Variants in HEPACAM2 observed in about 807,000 individuals in gnomAD.
HEPACAM2 encodes mitotic kinetics regulator.
Under a neutral mutation model 49.6 loss-of-function variants are expected in HEPACAM2, and 49 were observed. The observed-to-expected ratio is 0.99, with a 90% CI of 0.78 to 1.25. HEPACAM2 has a LOEUF of 1.25. Ranked by LOEUF, HEPACAM2 falls within the 50% of genes most tolerant of loss-of-function variation. The pLI is 0.00. For synonymous variants in HEPACAM2, 197 were observed against 202.9 expected (o/e 0.97, Z 0.25); for missense variants, 525 against 557.2 (o/e 0.94, Z 0.58).
At chr7:93,226,248 T>C in intron 1 of HEPACAM2, 120 bp downstream of exon 1, 2 of 687,154 alleles carry the variant, frequency 2.9e-6, no homozygotes, top group Non-Finnish European at 5.0e-6. Flanking sequence ...TAAAAGGTTC[T>C]GACCTGCTCT....
At chr7:93,210,902 T>C (rs1348075082) in intron 3 of HEPACAM2, among the ~76,000 whole-genome samples, 1 of 151,998 alleles carries the variant, frequency 6.6e-6, no homozygotes, top group African/African-American at 2.4e-5. Context: ...GTTAGAGGAC[T>C]GATTGCCAAG....
Position 93,219,185 on chromosome 7 carries a change from C to G in HEPACAM2, c.346G>C (p.Asp116His). 1 of 1,613,972 alleles carries G rather than the reference C, an allele frequency of 6.2e-7. No homozygotes were observed. Among genetic ancestry groups the G allele is most frequent in the East Asian group, 2.2e-5 (1 of 44,868 alleles). The stretch of plus-strand genomic sequence containing the variant: ...ACCTTCACGATGTAATTGCCTTCAT[C>G]AGGGAACTGCAGTGGGTTGATAAGC... ...SLLINPLQFP[D>H]EGNYIVKVNI... Residue 116 changes from aspartate (D) to histidine (H), a missense_variant, in exon 2 of 10, where the codon GAT becomes CAT. By Grantham distance (81) the Asp-to-His change is moderately conservative. Coordinates refer to ENST00000394468, the MANE Select transcript of HEPACAM2 (RefSeq NM_001039372.4).
intron 3 of HEPACAM2, 69 bp from the exon 4 acceptor site, chr7:93,208,945 A>C (rs1794106708): frequency 3.0e-6 from 4 of 1,339,246 alleles, no homozygotes; most frequent in Non-Finnish European, 4.0e-6. Context: ...AGTTTGGGAG[A>C]GCTTAGTAGC....
chr7:93,200,302 A>G (rs1584334065), intron 4 of HEPACAM2, among the ~76,000 whole-genome samples: 1 of 152,046 alleles, frequency 6.6e-6, no homozygotes, highest in Admixed American at 6.6e-5. Flanking sequence ...ATTTTTATGT[A>G]CATTATCTTA....
chr7:93,204,682 G>A (rs970436828), intron 4 of HEPACAM2, among the ~76,000 whole-genome samples: 3 of 152,066 alleles, frequency 2.0e-5, no homozygotes, highest in Admixed American at 6.6e-5. Context: ...GAAAGTACAC[G>A]TACATAGCAT....
chr7:93,230,769 G>C (rs934675575), upstream of HEPACAM2, among the ~76,000 whole-genome samples: 2 of 152,198 alleles, frequency 1.3e-5, no homozygotes, highest in Admixed American at 6.5e-5. Flanking sequence ...TGCCCTAAAT[G>C]TGACCAGAAT....
intron 1 of HEPACAM2, among the ~76,000 whole-genome samples, chr7:93,221,202 G>A (rs1425795786): frequency 6.6e-6 from 1 of 152,100 alleles, no homozygotes; most frequent in African/African-American, 2.4e-5. Flanking sequence ...GGTGAAAGTG[G>A]AATAAAATCC....
chr7:93,210,912 G>T (rs1301502449), intron 3 of HEPACAM2, among the ~76,000 whole-genome samples: 4 of 151,904 alleles, frequency 2.6e-5, no homozygotes, highest in African/African-American at 9.7e-5. Flanking sequence ...TGATTGCCAA[G>T]ATTCTTTCTA....
intron 4 of HEPACAM2, among the ~76,000 whole-genome samples, chr7:93,204,067 T>G (rs1255411815): frequency 6.6e-6 from 1 of 152,166 alleles, no homozygotes; most frequent in Non-Finnish European, 1.5e-5. Flanking sequence ...AATTTCCAGA[T>G]AGAAAAAATT....
chr7:93,231,375 T>A (rs1411274270), upstream of HEPACAM2, among the ~76,000 whole-genome samples: 1 of 152,220 alleles, frequency 6.6e-6, no homozygotes, highest in South Asian at 2.1e-4. Context: ...GATGACCGAT[T>A]AATCCTTCAG....
At chr7:93,195,749 G>C (rs1206963498) in intron 8 of HEPACAM2, 79 bp downstream of exon 8, 15 of 1,079,140 alleles carry the variant, frequency 1.4e-5, no homozygotes, top group Non-Finnish European at 1.4e-5. Flanking sequence ...ACACTGCCCA[G>C]TGCTTAAACA....
intron 3 of HEPACAM2, among the ~76,000 whole-genome samples, chr7:93,214,119 G>T (rs1794245477): frequency 6.6e-6 from 1 of 152,118 alleles, no homozygotes; most frequent in Non-Finnish European, 1.5e-5. Context: ...GGTCTGGGTT[G>T]TGTTTGTACA....
chr7:93,191,367 C>T (rs751270375), intron 9 of HEPACAM2, among the ~76,000 whole-genome samples: 1 of 152,034 alleles, frequency 6.6e-6, no homozygotes, highest in Non-Finnish European at 1.5e-5. Context: ...GTTTCCTCAC[C>T]ATAAGATGAT....
intron 1 of HEPACAM2, among the ~76,000 whole-genome samples, chr7:93,219,934 A>G (rs1481383740): frequency 1.3e-5 from 2 of 152,240 alleles, no homozygotes; most frequent in Non-Finnish European, 1.5e-5. Context: ...CCTTTTAGCC[A>G]AATGCTTGCC....
At chr7:93,191,562 G>T (rs1166537694) in intron 9 of HEPACAM2, among the ~76,000 whole-genome samples, 1 of 152,156 alleles carries the variant, frequency 6.6e-6, no homozygotes, top group Non-Finnish European at 1.5e-5. Flanking sequence ...AGTTATGACT[G>T]CAGGCAGCTA....
intron 4 of HEPACAM2, among the ~76,000 whole-genome samples, chr7:93,202,026 A>T (rs1339879150): frequency 9.5e-5 from 3 of 31,624 alleles, no homozygotes; most frequent in Non-Finnish European, 1.6e-4. Context: ...AAGCAAAAAA[A>T]AAAACCAAAA....
chr7:93,192,559 T>C (rs1257527880), intron 8 of HEPACAM2, among the ~76,000 whole-genome samples, 196 bp from the exon 9 acceptor site: 1 of 152,112 alleles, frequency 6.6e-6, no homozygotes, highest in Non-Finnish European at 1.5e-5. Context: ...GCAGCATAGC[T>C]ATAAGGTCAG....
intron 8 of HEPACAM2, among the ~76,000 whole-genome samples, chr7:93,194,089 G>C (rs1793622823): frequency 6.6e-6 from 1 of 152,104 alleles, no homozygotes; most frequent in African/African-American, 2.4e-5. Flanking sequence ...TTCTGTTTCT[G>C]ATAGAAATAA....
intron 8 of HEPACAM2, among the ~76,000 whole-genome samples, chr7:93,194,921 CTT>C (rs80158728): frequency 0.016 from 1,916 of 118,112 alleles, 46 homozygotes; most frequent in East Asian, 0.1. Flanking sequence ...TTTAAAAGAT[CTT>C]TTTTTTTTTT....
Sources: gnomAD v4.1 joint callset for allele counts (sites outside exome capture counted in the v4.1 genomes callset) on GRCh38, gnomAD v4.1.1 for gene constraint, MANE v1.5 for transcripts, NCBI Gene and HGNC (gene_info 2026-07-23, HGNC 2026-07-21) for gene names.